Variants in BAIAP2 observed in about 807,000 individuals in gnomAD.
The protein encoded by BAIAP2 is BAR/IMD domain-containing adapter protein 2.
BAIAP2 carries 18 observed loss-of-function variants against 63.0 expected under a neutral mutation model. The ratio of observed to expected loss-of-function variants is 0.29; its 90% CI spans 0.20 to 0.42. The LOEUF (loss-of-function observed/expected upper bound fraction) is 0.42, where lower values mean the gene tolerates loss of function less well. Ranked by LOEUF, BAIAP2 falls within the 10% of genes least tolerant of loss-of-function variation. The pLI is 1.00. For missense variants in BAIAP2, 610 were observed against 734.3 expected (o/e 0.83, Z 1.96); for synonymous variants, 386 against 307.6 (o/e 1.25, Z -2.67).
At chr17:81,110,260 A>G (rs371822099) in intron 13 of BAIAP2, 15 of 985,510 alleles carry the variant, frequency 1.5e-5, no homozygotes, top group East Asian at 2.3e-4. Flanking sequence ...ACCGCGTGAC[A>G]TTAAGGAGAG....
rs763397944 is a variant in BAIAP2, at chr17:81,106,781, C to T, written c.1374C>T (p.Leu458=). ...QQGKSSSTGN[L]LDKDDLAIPP... ...GGAAGAGCAGCAGCACGGGCAACCTCCTGGACAAGGACGACCTGGCCATCC... is the reference window on the plus strand; with the variant it reads ...GGAAGAGCAGCAGCACGGGCAACCTTCTGGACAAGGACGACCTGGCCATCC... Residue 458 remains leucine (L), a synonymous_variant, in exon 12 of 14, where the codon CTC becomes CTT. Transcript: ENST00000428708. 6.2e-7 allele frequency: 1 copy of T among 1,612,586 alleles called. No individual in the cohort carries two copies. The highest frequency in any genetic ancestry group is 8.5e-7 in the Non-Finnish European group (1 of 1,179,780).
At chr17:81,098,294 T>TCC in intron 6 of BAIAP2, 1 of 911,178 alleles carries the variant, frequency 1.1e-6, no homozygotes, top group Non-Finnish European at 1.4e-6. Context: ...GCGGCCGCCC[T>TCC]CAGCTTCTTC....
Position 81,105,077 on chromosome 17 carries a change from C to G in BAIAP2, c.1268+362C>G, listed in dbSNP as rs796091178. 52 of 185,804 alleles carry G rather than the reference C, an allele frequency of 2.8e-4. No individual in the cohort carries two copies. In the South Asian group the frequency reaches 3.2e-3, roughly 11 times the overall value. The allele number at this position is 185,804 out of a possible 1,614,324, so 11.5% of individuals were successfully genotyped here. A position where few individuals can be genotyped will look rare whatever the true frequency, so the allele number is the denominator to read the frequency against. ...TGGCAGGGGTCTCCCCCCAATGGCT[C>G]GGGTCTCCCCCCAGCGGCAGGGGTC... On this transcript the variant is annotated intron_variant, in intron 10 of 13. Coordinates refer to ENST00000428708, the MANE Select transcript of BAIAP2 (RefSeq NM_001144888.2).
In BAIAP2 at chr17:81,110,421, AT is replaced by A. The variant is rs1468095061; in HGVS notation, c.1535+1919del. On this transcript the variant is annotated intron_variant, in intron 13 of 13. Transcript: ENST00000428708. ...TATGAAGATGTAAAGTGCTGAACAT[AT>A]TTTTTTCCTGTTTCCTTTCCTTTTT... is the stretch of plus-strand genomic sequence containing the variant. The A allele has an allele frequency of 3.0e-6, 3 of 990,664 alleles. No individual in the cohort carries two copies. The East Asian group carries it at 3.3e-4, about 110-fold the overall frequency. 61.4% of individuals were successfully genotyped at this position (990,664 alleles called of 1,614,324 possible).
Position 81,086,395 on chromosome 17 carries a change from C to T in BAIAP2, c.352-48C>T, listed in dbSNP as rs201271163. ...GTTTTGCTGCCAGTGGTCCGCGCTG[C>T]GTTGGGTTCATGGGCCTTGGTTTTG... On this transcript the variant is annotated intron_variant, in intron 5 of 13. Transcript: ENST00000428708. 4.1e-4 allele frequency: 653 copies of T among 1,604,160 alleles called. 7 individuals are homozygous for T. Among genetic ancestry groups the T allele is most frequent in the Middle Eastern group, 2.3e-3 (14 of 5,992 alleles).
chr17:81,100,128 A>G (rs2058287500), intron 7 of BAIAP2, 48 bp downstream of exon 7: 1 of 1,570,086 alleles, frequency 6.4e-7, no homozygotes, highest in Non-Finnish European at 8.6e-7. Flanking sequence ...CCTTGCTGGC[A>G]GAAATGACCC....
chr17:81,085,818 C>G, intron 5 of BAIAP2, 93 bp downstream of exon 5: 1 of 986,490 alleles, frequency 1.0e-6, no homozygotes, highest in Non-Finnish European at 1.6e-6. Flanking sequence ...GAAGGCTTCC[C>G]ACTTCCCCGA....
chr17:81,038,149 G>A (rs4969353), intron 1 of BAIAP2, among the ~76,000 whole-genome samples: 7,915 of 152,326 alleles, frequency 0.052, 313 homozygotes, highest in Admixed American at 0.12. Context: ...GTTGCCCTGG[G>A]TAGTGGCCCA....
In BAIAP2 at chr17:81,043,426, C is replaced by T. The variant is rs930924523; in HGVS notation, c.54+8118C>T. On this transcript the variant is annotated intron_variant, in intron 1 of 13. Coordinates refer to ENST00000428708, the MANE Select transcript of BAIAP2 (RefSeq NM_001144888.2). ...ACTCCAGGGCCTCGGTGGCCCCAGG[C>T]CGTGGAGCAGAGCTGTGGGCTGCGG... Among the ~76,000 whole-genome samples the T allele has an allele frequency of 2.6e-5, 4 of 152,354 alleles. No homozygotes were observed. The East Asian group carries it at 7.7e-4, about 29-fold the overall frequency.
At chr17:81,059,913 G>T (rs549417475) in intron 3 of BAIAP2, among the ~76,000 whole-genome samples, 4 of 152,334 alleles carry the variant, frequency 2.6e-5, no homozygotes, top group African/African-American at 9.6e-5. Flanking sequence ...TGGGATTCCA[G>T]AACTTCCTGT....
rs367606837 is a variant in BAIAP2, at chr17:81,038,458, T to C, written c.54+3150T>C. On this transcript the variant is annotated intron_variant, in intron 1 of 13. Coordinates refer to ENST00000428708, the MANE Select transcript of BAIAP2 (RefSeq NM_001144888.2). ...CAGCCTGTCCTAGAATATGTGAGGTTGAGAGAGCATCTGGGGAGGAGGAGG... is the reference window on the plus strand; with the variant it reads ...CAGCCTGTCCTAGAATATGTGAGGTCGAGAGAGCATCTGGGGAGGAGGAGG... Among the ~76,000 whole-genome samples the C allele has an allele frequency of 4.6e-5, 7 of 152,312 alleles. No homozygotes were observed. The South Asian group carries it at 6.2e-4, about 14-fold the overall frequency.
chr17:81,110,815 C>T, intron 13 of BAIAP2: 1 of 1,493,010 alleles, frequency 6.7e-7, no homozygotes, highest in Non-Finnish European at 9.3e-7. Context: ...CTCCAGGGTT[C>T]TAGGTCTCCT....
chr17:81,104,289 G>C (rs1264200546), intron 9 of BAIAP2, among the ~76,000 whole-genome samples, 181 bp downstream of exon 9: 2 of 152,208 alleles, frequency 1.3e-5, no homozygotes, highest in African/African-American at 4.8e-5. Flanking sequence ...GCTCCCTCTT[G>C]TCAAGCCTCT....
intron 12 of BAIAP2, 23 bp from the exon 13 acceptor site, chr17:81,108,452 C>T (rs777036418): frequency 1.9e-5 from 31 of 1,613,602 alleles, no homozygotes; most frequent in Non-Finnish European, 2.6e-5. Context: ...CCCGGCCTGA[C>T]ATGTTTCTGC....
chr17:81,083,666 A>G (rs560156703), intron 3 of BAIAP2: 1 of 152,282 alleles, frequency 6.6e-6, no homozygotes, highest in Non-Finnish European at 1.5e-5. Context: ...TGGGTCCTGG[A>G]ACCCAGGCTG....
At chr17:81,053,853 C>G in intron 2 of BAIAP2, 110 bp downstream of exon 2, 1 of 677,486 alleles carries the variant, frequency 1.5e-6, no homozygotes, top group South Asian at 1.9e-5. Context: ...GAACTGTGCC[C>G]GGGCCCCGTG....
intron 13 of BAIAP2, chr17:81,110,476 T>C (rs1023791512): frequency 2.9e-6 from 3 of 1,018,468 alleles, no homozygotes; most frequent in Non-Finnish European, 3.5e-6. Context: ...TGCCCTGTAC[T>C]GCAGTTACTT....
chr17:81,099,535 C>T (rs898243532), intron 6 of BAIAP2, among the ~76,000 whole-genome samples: 4 of 152,136 alleles, frequency 2.6e-5, no homozygotes, highest in African/African-American at 9.7e-5. Flanking sequence ...GTCCTGGGGC[C>T]CATGGAGCTG....
Position 81,099,895 on chromosome 17 carries a change from G to A in BAIAP2, c.490-33G>A, listed in dbSNP as rs534046543. ...CGGTCCTGACAGGCGTCCTTCCATCGCTGGCTGAGCCTTTCTCCCTTTCCC... is the reference window on the plus strand; with the variant it reads ...CGGTCCTGACAGGCGTCCTTCCATCACTGGCTGAGCCTTTCTCCCTTTCCC... On this transcript the variant is annotated intron_variant, in intron 6 of 13. Transcript: ENST00000428708. 6.2e-5 allele frequency: 99 copies of A among 1,602,282 alleles called. 1 individual carries two copies. In the South Asian group the frequency reaches 9.4e-4, roughly 15 times the overall value.
Sources: gnomAD v4.1 joint callset for allele counts (sites outside exome capture counted in the v4.1 genomes callset) on GRCh38, gnomAD v4.1.1 for gene constraint, MANE v1.5 for transcripts, NCBI Gene and HGNC (gene_info 2026-07-23, HGNC 2026-07-21) for gene names.